Variants in THAP10 observed in about 807,000 individuals in gnomAD.
The protein encoded by THAP10 is THAP domain-containing protein 10.
THAP10 carries 10 observed loss-of-function variants against 15.7 expected under a neutral mutation model. That is an observed-to-expected ratio of 0.64 (90% CI 0.39 to 1.08). THAP10 has a LOEUF of 1.08. THAP10 is among the 50% of genes least tolerant of loss of function. The pLI, the probability that THAP10 is intolerant of heterozygous loss-of-function variation, is 0.01. For missense variants in THAP10, 310 were observed against 330.9 expected (o/e 0.94, Z 0.49); for synonymous variants, 127 against 129.1 (o/e 0.98, Z 0.11).
chr15:70,882,337 T>A lies in THAP10; in HGVS notation c.*117A>T. 2 of 956,540 alleles carry A rather than the reference T, an allele frequency of 2.1e-6. No homozygotes were observed. The highest frequency in any genetic ancestry group is 3.1e-6 in the Non-Finnish European group (2 of 642,208). The allele number at this position is 956,540 out of a possible 1,614,324, so 59.3% of individuals were successfully genotyped here. A position where few individuals can be genotyped will look rare whatever the true frequency, so the allele number is the denominator to read the frequency against. On this transcript the variant is annotated 3_prime_UTR_variant, in exon 3 of 3. Transcript: ENST00000249861. ...TTTTGCCTTAGAGCTAAACAAATTA[T>A]GCTGATACTCAACTGTCAAATTATC... is the stretch of plus-strand genomic sequence containing the variant.
In THAP10 at chr15:70,892,084, A is replaced by C. The variant is rs1567038127; in HGVS notation, c.189T>G (p.Phe63Leu). The C allele has an allele frequency of 6.2e-7, 1 of 1,613,866 alleles. No homozygotes were observed. Among genetic ancestry groups the C allele is most frequent in the Non-Finnish European group, 8.5e-7 (1 of 1,179,938 alleles). The change falls in exon 1 of 3, where the codon TTT (phenylalanine) becomes TTG (leucine). Residue 63 changes from phenylalanine to leucine, a missense_variant. Physicochemically the swap from Phe to Leu is conservative, Grantham distance 22 (BLOSUM62 0). Coordinates refer to ENST00000249861, the MANE Select transcript of THAP10 (RefSeq NM_020147.4). ...TCTTCTGGATAACCGAAGAGACGTC[A>C]AAACAGGCTGGGGCAAAGTGGTCAG... Reference protein sequence around the residue: ...ICSDHFAPACFDVSSVIQKNL... With the variant: ...ICSDHFAPACLDVSSVIQKNL...
At chr15:70,888,205 T>C (rs556698549) in intron 1 of THAP10, among the ~76,000 whole-genome samples, 2 of 152,244 alleles carry the variant, frequency 1.3e-5, no homozygotes, top group East Asian at 1.9e-4. Flanking sequence ...TCTAGAAATC[T>C]AAAGAGCCCA....
At chr15:70,886,039 C>T (rs2033398344) in intron 1 of THAP10, among the ~76,000 whole-genome samples, 1 of 151,944 alleles carries the variant, frequency 6.6e-6, no homozygotes, top group South Asian at 2.1e-4. Context: ...CTAAAAAATG[C>T]CCAGAGATAC....
At chr15:70,891,251 A>C (rs1207073454) in intron 1 of THAP10, among the ~76,000 whole-genome samples, 1 of 152,196 alleles carries the variant, frequency 6.6e-6, no homozygotes, top group African/African-American at 2.4e-5. Context: ...AAGTAGGCAG[A>C]AGAGAGCAAG....
intron 1 of THAP10, among the ~76,000 whole-genome samples, chr15:70,886,598 T>G (rs2033413885): frequency 6.6e-6 from 1 of 152,132 alleles, no homozygotes; most frequent in Admixed American, 6.5e-5. Flanking sequence ...TGGGGTGCGG[T>G]GGCTCACGCC....
intron 1 of THAP10, among the ~76,000 whole-genome samples, chr15:70,891,616 T>TGTGTGA (rs2033572723): frequency 8.1e-6 from 1 of 124,154 alleles, no homozygotes; most frequent in Middle Eastern, 3.8e-3. Context: ...TGTGTGTGTG[T>TGTGTGA]GTGAGTTTTG....
At chr15:70,885,528 A>C (rs1055495374) in intron 1 of THAP10, among the ~76,000 whole-genome samples, 2 of 152,220 alleles carry the variant, frequency 1.3e-5, no homozygotes, top group African/African-American at 4.8e-5. Context: ...ATAGGACAGA[A>C]TAATGCCTAA....
intron 1 of THAP10, among the ~76,000 whole-genome samples, chr15:70,889,478 G>A (rs1285590739): frequency 6.6e-6 from 1 of 152,098 alleles, no homozygotes. Flanking sequence ...TTGGGTTGTG[G>A]TTACACATGT....
chr15:70,883,827 T>A, intron 1 of THAP10, among the ~76,000 whole-genome samples: 1 of 151,846 alleles, frequency 6.6e-6, no homozygotes, highest in Admixed American at 6.6e-5. Context: ...GCTAATTTTT[T>A]GTATTTTTAG....
At chr15:70,885,263 TA>T (rs1019743049) in intron 1 of THAP10, among the ~76,000 whole-genome samples, 1 of 152,018 alleles carries the variant, frequency 6.6e-6, no homozygotes, top group Non-Finnish European at 1.5e-5. Context: ...ATAACAGACA[TA>T]GGGGATAAGA....
intron 1 of THAP10, among the ~76,000 whole-genome samples, chr15:70,887,431 T>C (rs894376220): frequency 6.6e-6 from 1 of 152,172 alleles, no homozygotes; most frequent in Admixed American, 6.5e-5. Flanking sequence ...TTTGACCAAA[T>C]TGAGTTTATT....
intron 1 of THAP10, among the ~76,000 whole-genome samples, chr15:70,891,573 G>C (rs1293726484): frequency 3.2e-5 from 1 of 31,214 alleles, no homozygotes; most frequent in African/African-American, 2.1e-4. Flanking sequence ...GACTCTGTGT[G>C]TGTGTGTGTG....
In THAP10 at chr15:70,885,405, A is replaced by C. The variant is rs146019833; in HGVS notation, c.430-2497T>G. Among the ~76,000 whole-genome samples, 119 of 152,330 alleles carry C rather than the reference A, an allele frequency of 7.8e-4. 3 individuals are homozygous for C. In the East Asian group the frequency reaches 0.022, roughly 28 times the overall value. ...ACTATAAACCCTTTCTATTTATCAAAATAAAAACAACAGAAACCAAACCTA... is the reference window on the plus strand; with the variant it reads ...ACTATAAACCCTTTCTATTTATCAACATAAAAACAACAGAAACCAAACCTA... On this transcript the variant is annotated intron_variant, in intron 1 of 2. Transcript: ENST00000249861.
chr15:70,889,755 A>G (rs1184694964), intron 1 of THAP10, among the ~76,000 whole-genome samples: 1 of 152,178 alleles, frequency 6.6e-6, no homozygotes, highest in Non-Finnish European at 1.5e-5. Context: ...AGTGTCTACA[A>G]TAGCTCTTCA....
At chr15:70,883,241 G>A (rs981001605) in intron 1 of THAP10, among the ~76,000 whole-genome samples, 1 of 151,698 alleles carries the variant, frequency 6.6e-6, no homozygotes, top group Admixed American at 6.6e-5. Flanking sequence ...GCCCAAGCTG[G>A]AGCGCAATGG....
rs938601929 is a variant in THAP10 at position 70,882,297 on chromosome 15, G to A, written c.*157C>T. ...GGGTAGGTATTATCTTCATTGTGTT[G>A]GCAAGCAAGCAAACTTTTGCCTTAG... On this transcript the variant is annotated 3_prime_UTR_variant, in exon 3 of 3. Coordinates refer to ENST00000249861, the MANE Select transcript of THAP10 (RefSeq NM_020147.4). 3.0e-5 allele frequency: 18 copies of A among 606,814 alleles called. No homozygotes were observed. The highest frequency in any genetic ancestry group is 7.4e-5 in the African/African-American group (4 of 54,168). 37.6% of individuals were successfully genotyped at this position (606,814 alleles called of 1,614,324 possible).
chr15:70,891,934 T>TC lies in THAP10; in HGVS notation c.338dup (p.Glu114ArgfsTer9). On this transcript the variant is annotated frameshift_variant, in exon 1 of 3. Transcript: ENST00000249861. LOFTEE classifies it high-confidence loss of function. ...CAGAATGCCTGGCTGCCTGGAGCTC[T>TC]CCTCGCGTGTCCAGGCGGCCTGCTT... 6.2e-7 allele frequency: 1 copy of TC among 1,613,770 alleles called. No individual in the cohort carries two copies. Among genetic ancestry groups the TC allele is most frequent in the Non-Finnish European group, 8.5e-7 (1 of 1,179,904 alleles).
chr15:70,888,054 G>T (rs1445060711), intron 1 of THAP10, among the ~76,000 whole-genome samples: 1 of 152,102 alleles, frequency 6.6e-6, no homozygotes, highest in East Asian at 1.9e-4. Context: ...CCAAATAAAT[G>T]GAGATATATG....
At position 70,881,775 on chromosome 15, in the gene THAP10, CTAAT is replaced by C. The variant is rs1476979305; in HGVS notation, c.*675_*678del. On this transcript the variant is annotated 3_prime_UTR_variant, in exon 3 of 3. Coordinates refer to ENST00000249861, the MANE Select transcript of THAP10 (RefSeq NM_020147.4). ...ATGATTCTAATCTAAATTAATCAAG[CTAAT>C]TAATGTGTCGCAGTAAGCACTGATG... 1.3e-5 allele frequency: 2 copies of C among 152,126 alleles called. No homozygotes were observed. The highest frequency in any genetic ancestry group is 4.8e-5 in the African/African-American group (2 of 41,418). 9.4% of individuals were successfully genotyped at this position (152,126 alleles called of 1,614,324 possible).
Sources: gnomAD v4.1 joint callset for allele counts (sites outside exome capture counted in the v4.1 genomes callset) on GRCh38, gnomAD v4.1.1 for gene constraint, MANE v1.5 for transcripts, NCBI Gene and HGNC (gene_info 2026-07-23, HGNC 2026-07-21) for gene names.